ITSN1: variants seen among roughly 807,000 people sequenced by gnomAD.
ITSN1 encodes intersectin-1.
In ITSN1, 58 loss-of-function variants were observed where a neutral mutation model predicts 239.8. That is an observed-to-expected ratio of 0.24 (90% CI 0.20 to 0.30). The LOEUF (loss-of-function observed/expected upper bound fraction) is 0.30, where lower values mean the gene tolerates loss of function less well. Among genes scored for constraint, ITSN1 ranks in the 10% least tolerant of loss-of-function variants. The pLI is 1.00. For synonymous variants in ITSN1, 780 were observed against 770.8 expected, an observed-to-expected ratio of 1.01 and a Z score of -0.20; for missense variants, 1,558 against 2,103.3, an observed-to-expected ratio of 0.74 and a Z score of 5.07.
At chr21:33,678,994 A>T (rs2090766711) in intron 1 of ITSN1, among the ~76,000 whole-genome samples, 1 of 152,234 alleles carries the variant, frequency 6.6e-6, no homozygotes, top group Non-Finnish European at 1.5e-5. Flanking sequence ...ACCTGAAGGC[A>T]TAAGCATGAA....
At chr21:33,796,600 C>A (rs1215999883) in intron 17 of ITSN1, among the ~76,000 whole-genome samples, 2 of 152,136 alleles carry the variant, frequency 1.3e-5, no homozygotes, top group Admixed American at 1.3e-4. Flanking sequence ...GGGATTGAAG[C>A]CCATGCATGT....
intron 29 of ITSN1, among the ~76,000 whole-genome samples, chr21:33,845,930 C>T (rs1396121022): frequency 6.6e-6 from 1 of 152,192 alleles, no homozygotes; most frequent in Non-Finnish European, 1.5e-5. Flanking sequence ...ACTGTGGCAT[C>T]GTGGGCCCAC....
intron 14 of ITSN1, among the ~76,000 whole-genome samples, chr21:33,777,591 T>A (rs574623404): frequency 1.3e-5 from 2 of 152,324 alleles, no homozygotes; most frequent in South Asian, 2.1e-4. Flanking sequence ...TTGGTAGTTA[T>A]AAATTTCTCT....
intron 34 of ITSN1, among the ~76,000 whole-genome samples, chr21:33,879,361 G>A (rs1256826616): frequency 4.6e-5 from 7 of 152,116 alleles, no homozygotes; most frequent in African/African-American, 7.2e-5. Context: ...AGAAAAAAAA[G>A]AAAGATTGAG....
At chr21:33,760,331 G>C (rs1402956297) in intron 8 of ITSN1, among the ~76,000 whole-genome samples, 1 of 152,166 alleles carries the variant, frequency 6.6e-6, no homozygotes, top group African/African-American at 2.4e-5. Flanking sequence ...AGGGGCATCT[G>C]GGGTGCGATT....
Position 33,857,482 on chromosome 21 carries a change from A to G in ITSN1, c.3783+625A>G, listed in dbSNP as rs189810125. Among the ~76,000 whole-genome samples the G allele has an allele frequency of 7.0e-3, 1,067 of 152,324 alleles. 13 individuals are homozygous for G. The highest frequency in any genetic ancestry group is 0.024 in the African/African-American group (1,003 of 41,578). ...CTCAGCAGGCCTTTTGTCCACGTCC[A>G]TGGGAAGATGCCATATTGGGAGACA... On this transcript the variant is annotated intron_variant, in intron 30 of 39. Transcript: ENST00000381318.
intron 27 of ITSN1, among the ~76,000 whole-genome samples, chr21:33,831,287 C>T (rs560259589): frequency 6.6e-4 from 100 of 152,298 alleles, no homozygotes; most frequent in African/African-American, 2.2e-3. Context: ...AGCAGCCGTC[C>T]GTCTCTCTGG....
intron 25 of ITSN1, among the ~76,000 whole-genome samples, chr21:33,824,365 G>A (rs918655515): frequency 4.0e-4 from 61 of 152,194 alleles, no homozygotes; most frequent in African/African-American, 1.4e-3. Flanking sequence ...TTGCACGTTA[G>A]TGGAGAGTTT....
At chr21:33,853,677 T>G (rs997666653) in intron 29 of ITSN1, among the ~76,000 whole-genome samples, 1 of 152,186 alleles carries the variant, frequency 6.6e-6, no homozygotes, top group Non-Finnish European at 1.5e-5. Context: ...GTAACACTAG[T>G]GTTTCTCAAC....
intron 1 of ITSN1, among the ~76,000 whole-genome samples, chr21:33,692,279 A>G (rs2091583315): frequency 6.6e-6 from 1 of 152,196 alleles, no homozygotes; most frequent in Non-Finnish European, 1.5e-5. Context: ...GAAAGAGGCT[A>G]AGCAACTCAC....
chr21:33,781,434 A>ATT (rs1555912702), intron 14 of ITSN1, 27 bp from the exon 15 acceptor site: 3 of 1,285,010 alleles, frequency 2.3e-6, no homozygotes, highest in Non-Finnish European at 3.4e-6. Context: ...CCTGTCATTC[A>ATT]TTACTATTTT....
At chr21:33,788,075 C>G (rs1415393811) in intron 16 of ITSN1, among the ~76,000 whole-genome samples, 1 of 152,074 alleles carries the variant, frequency 6.6e-6, no homozygotes, top group Non-Finnish European at 1.5e-5. Context: ...TGAAAAAATA[C>G]TTTCTTCTCT....
At chr21:33,874,177 A>AG (rs1983264729) in intron 33 of ITSN1, among the ~76,000 whole-genome samples, 1 of 149,244 alleles carries the variant, frequency 6.7e-6, no homozygotes, top group African/African-American at 2.5e-5. Context: ...AAAAAAAAAA[A>AG]AGAACATTTA....
rs200786668 is a variant in ITSN1, at chr21:33,743,531, GACA to G, written c.347-6610_347-6608del. 1.7e-4 allele frequency among the ~76,000 whole-genome samples: 23 copies of G among 135,638 alleles called. No homozygotes were observed. The East Asian group carries it at 6.2e-3, about 37-fold the overall frequency. The allele number at this position is 135,638 out of a possible 152,430, so 89.0% of individuals were successfully genotyped here. A position where few individuals can be genotyped will look rare whatever the true frequency, so the allele number is the denominator to read the frequency against. On this transcript the variant is annotated intron_variant, in intron 5 of 39. Transcript: ENST00000381318. ...TTGAGAAACAGTAACAAGTATTTAA[GACA>G]AAGAAGATTGAATGTATGGGCAGCA...
rs750583926 is a variant in ITSN1 at position 33,818,281 on chromosome 21, G to A, written c.2742G>A (p.Glu914=). ...SPVLGQGEKV[E]GLQAQALYPW... Reference sequence around the variant, plus strand: ...TTCCACACAAGGGTGAAAAGGTGGAGGGGCTACAAGCTCAAGCCCTATATC... The same window carrying A: ...TTCCACACAAGGGTGAAAAGGTGGAAGGGCTACAAGCTCAAGCCCTATATC... Residue 914 remains glutamate, a synonymous_variant, in exon 23 of 40, where the codon GAG becomes GAA. Transcript: ENST00000381318. The A allele has an allele frequency of 1.2e-6, 2 of 1,614,122 alleles. No homozygotes were observed. Among genetic ancestry groups the A allele is most frequent in the Non-Finnish European group, 1.7e-6 (2 of 1,179,954 alleles).
At chr21:33,662,677 G>C (rs1354159830) in intron 1 of ITSN1, among the ~76,000 whole-genome samples, 1 of 152,128 alleles carries the variant, frequency 6.6e-6, no homozygotes, top group Non-Finnish European at 1.5e-5. Flanking sequence ...TTTAGATAAA[G>C]GACAGGTTGG....
At chr21:33,718,954 A>G (rs2065323964) in intron 2 of ITSN1, 98 bp downstream of exon 2, 3 of 935,600 alleles carry the variant, frequency 3.2e-6, no homozygotes, top group African/African-American at 1.7e-5. Context: ...AGAGAAAATA[A>G]TATAATCAGC....
rs1308798300 is a variant in ITSN1 at position 33,754,091 on chromosome 21, C to T, written c.624-1206C>T. The T allele has an allele frequency of 2.0e-5, 3 of 151,950 alleles. No homozygotes were observed. In the East Asian group the frequency reaches 5.8e-4, roughly 29 times the overall value. The allele number at this position is 151,950 out of a possible 1,614,324, so 9.4% of individuals were successfully genotyped here. ...TCTGGGACAACTTGTGTATGTAACACCCAACATTCCTGGCGTGTAGCAACT... is the reference window on the plus strand; with the variant it reads ...TCTGGGACAACTTGTGTATGTAACATCCAACATTCCTGGCGTGTAGCAACT... On this transcript the variant is annotated intron_variant, in intron 7 of 39. Coordinates refer to ENST00000381318, the MANE Select transcript of ITSN1 (RefSeq NM_003024.3).
At chr21:33,722,442 T>G (rs973250477) in intron 3 of ITSN1, 146 bp from the exon 4 acceptor site, 9 of 1,025,666 alleles carry the variant, frequency 8.8e-6, no homozygotes, top group Non-Finnish European at 7.9e-6. Flanking sequence ...GCCTATGGGC[T>G]TATCCTTGGA....
Sources: allele counts gnomAD v4.1 joint callset (sites outside exome capture counted in the v4.1 genomes callset), GRCh38; gene constraint gnomAD v4.1.1; transcripts MANE v1.5; gene names NCBI Gene and HGNC (gene_info 2026-07-23, HGNC 2026-07-21).